The following PRMT2 variants were observed in gnomAD, a reference collection of about 807,000 sequenced individuals.
PRMT2 encodes protein arginine N-methyltransferase 2.
Under a neutral mutation model 57.6 loss-of-function variants are expected in PRMT2, and 26 were observed. The observed-to-expected ratio is 0.45, with a 90% CI of 0.33 to 0.63. The LOEUF (loss-of-function observed/expected upper bound fraction) is 0.63. Ranked by LOEUF, PRMT2 falls within the 20% of genes least tolerant of loss-of-function variation. PRMT2 has a pLI of 0.02. For missense variants in PRMT2, 472 were observed against 564.4 expected (o/e 0.84, Z 1.66); for synonymous variants, 219 against 220.0 (o/e 1.00, Z 0.04).
chr21:46,661,166 ATTCT>A, intron 9 of PRMT2: 1 of 474,042 alleles, frequency 2.1e-6, no homozygotes, highest in Non-Finnish European at 3.6e-6. Flanking sequence ...TTCTATTTTG[ATTCT>A]TTCATATTGT....
At chr21:46,641,785 T>C (rs954448183) in intron 3 of PRMT2, among the ~76,000 whole-genome samples, 3 of 149,682 alleles carry the variant, frequency 2.0e-5, no homozygotes, top group Admixed American at 6.7e-5. Flanking sequence ...GACATGGGCA[T>C]GGTGGAGGTG....
chr21:46,647,200 A>G (rs1438267632), intron 5 of PRMT2, among the ~76,000 whole-genome samples: 1 of 152,180 alleles, frequency 6.6e-6, no homozygotes, highest in Non-Finnish European at 1.5e-5. Flanking sequence ...AAGATTGATT[A>G]TCTTTTATGT....
chr21:46,661,734 C>T (rs1323158911), intron 9 of PRMT2, 66 bp from the exon 10 acceptor site: 9 of 1,262,170 alleles, frequency 7.1e-6, no homozygotes, highest in African/African-American at 1.6e-5. Flanking sequence ...TGGAGGGGGC[C>T]GCCCCAACCC....
intron 8 of PRMT2, chr21:46,660,172 T>G (rs1322792496): frequency 1.0e-6 from 1 of 978,568 alleles, no homozygotes; most frequent in African/African-American, 1.8e-5. Context: ...TTGCTTATTT[T>G]TTACAACATT....
intron 7 of PRMT2, among the ~76,000 whole-genome samples, chr21:46,650,292 C>T (rs933627018): frequency 1.4e-5 from 2 of 138,932 alleles, no homozygotes; most frequent in African/African-American, 2.7e-5. Flanking sequence ...TGTCTGCCCG[C>T]GCTGTCTTCC....
Position 46,636,850 on chromosome 21 carries a change from A to C in PRMT2, c.-56-46A>C, listed in dbSNP as rs2061180692. On this transcript the variant is annotated intron_variant, in intron 2 of 11. Coordinates refer to ENST00000355680, the MANE Select transcript of PRMT2 (RefSeq NM_206962.4). The stretch of plus-strand genomic sequence containing the variant: ...AGAAGTTAAGTGAACTCAATTATTA[A>C]GCAATGTAACAAGTACTTTGTGTCT... 18 of 1,149,476 alleles carry C rather than the reference A, an allele frequency of 1.6e-5. No homozygotes were observed. In the South Asian group the frequency reaches 2.7e-4, roughly 17 times the overall value. The allele number at this position is 1,149,476 out of a possible 1,614,324, so 71.2% of individuals were successfully genotyped here.
intron 3 of PRMT2, among the ~76,000 whole-genome samples, chr21:46,639,658 CT>C (rs59630153): frequency 0.17 from 21,991 of 130,116 alleles, 2,573 homozygotes; most frequent in African/African-American, 0.36. Flanking sequence ...GCTGTACCAG[CT>C]TTTTTTTTTT....
chr21:46,653,784 G>C, intron 7 of PRMT2: 1 of 1,101,946 alleles, frequency 9.1e-7, no homozygotes, highest in Non-Finnish European at 1.1e-6. Context: ...AAAGTACAGA[G>C]ACATCTTTTT....
chr21:46,641,702 CCAAA>C lies in PRMT2; in HGVS notation c.40-1828_40-1825del, dbSNP rs1054354827. On this transcript the variant is annotated intron_variant, in intron 3 of 11. Coordinates refer to ENST00000355680, the MANE Select transcript of PRMT2 (RefSeq NM_206962.4). ...GCGAGACTCCATCCTAAAAAAAAAG[CCAAA>C]CAAAGAAACAGCCTGTGTGTGTGTG... 2.9e-5 allele frequency among the ~76,000 whole-genome samples: 4 copies of C among 138,616 alleles called. No homozygotes were observed. The East Asian group carries it at 6.6e-4, about 23-fold the overall frequency. 90.9% of individuals were successfully genotyped at this position (138,616 alleles called of 152,430 possible).
At chr21:46,644,635 A>C in intron 5 of PRMT2, 147 bp downstream of exon 5, 3 of 715,308 alleles carry the variant, frequency 4.2e-6, no homozygotes, top group Non-Finnish European at 6.5e-6. Flanking sequence ...GGTTGTGTGG[A>C]AGCCACTGTG....
chr21:46,661,104 A>G lies in PRMT2; in HGVS notation c.960+142A>G, dbSNP rs559921777. ...AATTATTTTATTATGCAAATAAGTG[A>G]ATTTATAAAACGTTTGCTACTGATT... On this transcript the variant is annotated intron_variant, in intron 9 of 11. Coordinates refer to ENST00000355680, the MANE Select transcript of PRMT2 (RefSeq NM_206962.4). 1.6e-5 allele frequency: 14 copies of G among 851,940 alleles called. No homozygotes were observed. In the Admixed American group the frequency reaches 2.8e-4, roughly 17 times the overall value. 52.8% of individuals were successfully genotyped at this position (851,940 alleles called of 1,614,324 possible).
In PRMT2 at chr21:46,664,414, C is replaced by G; in HGVS notation, c.*87C>G. The G allele has an allele frequency of 1.3e-6, 2 of 1,530,510 alleles. No individual in the cohort carries two copies. Among genetic ancestry groups the G allele is most frequent in the Non-Finnish European group, 1.8e-6 (2 of 1,106,150 alleles). 94.8% of individuals were successfully genotyped at this position (1,530,510 alleles called of 1,614,324 possible). ...CCAAGTTGCACCTGGCTTCTGCACACTCCTGCGAAAGTCGGTGAACATTCA... is the reference window on the plus strand; with the variant it reads ...CCAAGTTGCACCTGGCTTCTGCACAGTCCTGCGAAAGTCGGTGAACATTCA... On this transcript the variant is annotated 3_prime_UTR_variant, in exon 12 of 12. Transcript: ENST00000355680.
intron 7 of PRMT2, chr21:46,654,113 A>G: frequency 1.0e-6 from 1 of 985,626 alleles, no homozygotes; most frequent in Non-Finnish European, 1.2e-6. Context: ...GGACCCAGAG[A>G]CCAGGCACCA....
At chr21:46,650,290 C>G (rs199894236) in intron 7 of PRMT2, among the ~76,000 whole-genome samples, 1,775 of 152,218 alleles carry the variant, frequency 0.012, 29 homozygotes, top group African/African-American at 0.04. Flanking sequence ...GCTGTCTGCC[C>G]GCGCTGTCTT....
chr21:46,651,799 T>A (rs1474255238), intron 7 of PRMT2: 4 of 1,612,680 alleles, frequency 2.5e-6, no homozygotes, highest in Admixed American at 1.7e-5. Context: ...TCACTTTCCG[T>A]CCCCAGGCTG....
chr21:46,653,470 C>T (rs774919284), intron 7 of PRMT2: 62 of 1,004,504 alleles, frequency 6.2e-5, no homozygotes, highest in Non-Finnish European at 6.6e-5. Flanking sequence ...ATTTACACAA[C>T]AAGAGGATAA....
At position 46,643,570 on chromosome 21, in the gene PRMT2, C is replaced by T; in HGVS notation, c.75C>T (p.Leu25=). Residue 25 remains leucine (L), a synonymous_variant, in exon 4 of 12, where the codon CTC becomes CTT. Coordinates refer to ENST00000355680, the MANE Select transcript of PRMT2 (RefSeq NM_206962.4). ...EEPAECSEAG[L]LQEGVQPEEF... ...CTGCTGAGTGCAGTGAGGCCGGTCT[C>T]CTGCAGGAGGGAGTACAGCCAGAGG... 1 of 1,609,168 alleles carries T rather than the reference C, an allele frequency of 6.2e-7. No individual in the cohort carries two copies. Among genetic ancestry groups the T allele is most frequent in the Non-Finnish European group, 8.5e-7 (1 of 1,178,432 alleles).
chr21:46,637,989 A>G (rs1302574950), intron 3 of PRMT2, among the ~76,000 whole-genome samples: 2 of 152,174 alleles, frequency 1.3e-5, no homozygotes, highest in African/African-American at 2.4e-5. Flanking sequence ...GCGACACTCT[A>G]GATAAAGTTT....
rs973508326 is a variant in PRMT2, at chr21:46,651,876, C to T, written c.654+2137C>T. On this transcript the variant is annotated intron_variant, in intron 7 of 11. Transcript: ENST00000355680. ...TCTGGCCCTCTTCACGTCCTCCTGG[C>T]CTGCTGTCTGCCTCTCCCCTGCACC... The T allele has an allele frequency of 1.9e-6, 3 of 1,613,002 alleles. No homozygotes were observed. In the African/African-American group the frequency reaches 4.0e-5, roughly 22 times the overall value.
Sources: gnomAD v4.1 joint callset for allele counts (sites outside exome capture counted in the v4.1 genomes callset) on GRCh38, gnomAD v4.1.1 for gene constraint, MANE v1.5 for transcripts, NCBI Gene and HGNC (gene_info 2026-07-23, HGNC 2026-07-21) for gene names.